MCM8: variants seen among roughly 807,000 people sequenced by gnomAD.
MCM8 encodes the protein DNA helicase MCM8.
Under a neutral mutation model 98.9 loss-of-function variants are expected in MCM8, and 85 were observed. That is an observed-to-expected ratio of 0.86 (90% CI 0.72 to 1.03). The LOEUF is 1.03. MCM8 is among the 50% of genes least tolerant of loss of function. The probability of loss-of-function intolerance (pLI) is 0.00; values close to 1 mark genes in which losing one functional copy is unlikely to be tolerated. For synonymous variants in MCM8, 352 were observed against 338.6 expected (o/e 1.04, Z -0.44); for missense variants, 951 against 997.8 (o/e 0.95, Z 0.63).
chr20:5,961,022 G>A (rs139156713), intron 7 of MCM8, among the ~76,000 whole-genome samples: 8 of 152,192 alleles, frequency 5.3e-5, no homozygotes, highest in Admixed American at 3.3e-4. Context: ...CCTAAGTTTT[G>A]TTTTTTATCT....
intron 17 of MCM8, among the ~76,000 whole-genome samples, chr20:5,993,278 C>A (rs1358300662): frequency 6.6e-6 from 1 of 152,064 alleles, no homozygotes; most frequent in South Asian, 2.1e-4. Flanking sequence ...TTTCTCTCTC[C>A]AAATTTAGAA....
chr20:5,959,504 A>G (rs1204274921), intron 7 of MCM8, among the ~76,000 whole-genome samples: 1 of 152,252 alleles, frequency 6.6e-6, no homozygotes, highest in East Asian at 1.9e-4. Flanking sequence ...ACCTATTTTA[A>G]TACATATCAA....
In MCM8 at chr20:5,974,456, C is replaced by T. The variant is rs374996865; in HGVS notation, c.1395+1260C>T. On this transcript the variant is annotated intron_variant, in intron 12 of 18. Coordinates refer to ENST00000610722, the MANE Select transcript of MCM8 (RefSeq NM_032485.6). The stretch of plus-strand genomic sequence containing the variant: ...GTGCTTTCTAAAAATGCCTGTGGCC[C>T]CCTTCTTCACTCGATGTGGAAAATT... Among the ~76,000 whole-genome samples, 92 of 152,312 alleles carry T rather than the reference C, an allele frequency of 6.0e-4. No homozygotes were observed. The South Asian group carries it at 0.018, about 31-fold the overall frequency.
At chr20:5,982,491 T>C (rs543063119) in intron 13 of MCM8, among the ~76,000 whole-genome samples, 1 of 152,296 alleles carries the variant, frequency 6.6e-6, no homozygotes, top group East Asian at 1.9e-4. Flanking sequence ...CATTGTATTA[T>C]GTTTAAAGAG....
chr20:5,976,762 G>C (rs531815906), intron 12 of MCM8, among the ~76,000 whole-genome samples: 2 of 152,170 alleles, frequency 1.3e-5, no homozygotes, highest in East Asian at 3.9e-4. Flanking sequence ...GAGGTGAAAG[G>C]GTTTACAAGT....
intron 10 of MCM8, among the ~76,000 whole-genome samples, chr20:5,969,729 G>A (rs142714640): frequency 3.4e-4 from 52 of 152,202 alleles, no homozygotes; most frequent in African/African-American, 1.0e-3. Context: ...GCTCCACAGG[G>A]GTTTTTTGTC....
intron 6 of MCM8, 125 bp downstream of exon 6, chr20:5,957,354 A>C: frequency 1.9e-4 from 112 of 588,726 alleles, no homozygotes; most frequent in East Asian, 4.8e-4. Flanking sequence ...TTGCCATCTC[A>C]TTGATCATCA....
chr20:5,967,497 T>C lies in MCM8; in HGVS notation c.937T>C (p.Cys313Arg), dbSNP rs1197704501. Reference protein sequence around the residue: ...EAGRIPRTIECELVHDLVDSC... With the variant: ...EAGRIPRTIERELVHDLVDSC... ...AGGTCGGATTCCACGAACAATAGAA[T>C]GTGAGCTTGTTCATGATCTTGTGGA... is the stretch of plus-strand genomic sequence containing the variant. Residue 313 changes from cysteine to arginine, a missense_variant, in exon 9 of 19, where the codon TGT (cysteine) becomes CGT (arginine). Physicochemically the swap from Cys to Arg is radical, Grantham distance 180 (BLOSUM62 -3). Transcript: ENST00000610722. The C allele has an allele frequency of 1.2e-6, 2 of 1,613,950 alleles. No homozygotes were observed. The highest frequency in any genetic ancestry group is 8.5e-7 in the Non-Finnish European group (1 of 1,179,824).
rs2089944980 is a variant in MCM8, at chr20:5,995,532, GC to G, written c.*1142del. ...GAATGCCCCCACCCGCACCGGAACA[GC>G]AACAAAAGGATTCTGCATGAGATGC... On this transcript the variant is annotated 3_prime_UTR_variant, in exon 19 of 19. Transcript: ENST00000610722. 6.6e-6 allele frequency: 1 copy of G among 152,202 alleles called. No individual in the cohort carries two copies. The allele number at this position is 152,202 out of a possible 1,614,324, so 9.4% of individuals were successfully genotyped here.
intron 13 of MCM8, 62 bp downstream of exon 13, chr20:5,978,079 A>T (rs1393665154): frequency 6.3e-7 from 1 of 1,584,602 alleles, no homozygotes; most frequent in African/African-American, 1.4e-5. Context: ...TTTCCTTTTC[A>T]GTTAATTTCT....
intron 15 of MCM8, among the ~76,000 whole-genome samples, chr20:5,985,441 CAAAA>C (rs59820663): frequency 1.1e-5 from 1 of 92,726 alleles, no homozygotes; most frequent in Non-Finnish European, 2.5e-5. Flanking sequence ...GAGACTGTCT[CAAAA>C]AAAAAAAAAA....
intron 10 of MCM8, among the ~76,000 whole-genome samples, chr20:5,968,867 G>A (rs893379813): frequency 3.9e-5 from 6 of 152,154 alleles, no homozygotes; most frequent in African/African-American, 7.2e-5. Flanking sequence ...GATTCAAATC[G>A]AATTAACATA....
chr20:5,986,685 TA>T (rs1239815064), intron 16 of MCM8, among the ~76,000 whole-genome samples: 1 of 152,210 alleles, frequency 6.6e-6, no homozygotes, highest in Admixed American at 6.5e-5. Flanking sequence ...TTCCTAAAAG[TA>T]AAAGGCAAGG....
chr20:5,988,137 A>G (rs1371913231), intron 17 of MCM8, among the ~76,000 whole-genome samples: 1 of 152,070 alleles, frequency 6.6e-6, no homozygotes, highest in Admixed American at 6.6e-5. Flanking sequence ...TAATAGGTCC[A>G]TACTTTCATA....
intron 5 of MCM8, 101 bp from the exon 6 acceptor site, chr20:5,957,023 TTC>T: frequency 1.7e-6 from 1 of 577,950 alleles, no homozygotes; most frequent in Non-Finnish European, 2.8e-6. Flanking sequence ...TCTGTTTTTA[TTC>T]TGTTTCTGTC....
At chr20:5,956,902 T>G (rs2088998196) in intron 5 of MCM8, among the ~76,000 whole-genome samples, 1 of 152,094 alleles carries the variant, frequency 6.6e-6, no homozygotes, top group Non-Finnish European at 1.5e-5. Flanking sequence ...AGTAGCAGAC[T>G]GGGATGCTGG....
At chr20:5,985,233 CAA>C (rs2089707067) in intron 15 of MCM8, among the ~76,000 whole-genome samples, 1 of 152,042 alleles carries the variant, frequency 6.6e-6, no homozygotes, top group South Asian at 2.1e-4. Context: ...ATCATGAGGT[CAA>C]GAGATCGAGA....
chr20:5,961,288 T>C (rs2089136401), intron 7 of MCM8, among the ~76,000 whole-genome samples: 1 of 152,246 alleles, frequency 6.6e-6, no homozygotes, highest in South Asian at 2.1e-4. Context: ...TAAGCCCTTG[T>C]TACCATGGAT....
In MCM8 at chr20:5,995,705, C is replaced by T. The variant is rs2089947701; in HGVS notation, c.*1314C>T. 6.6e-6 allele frequency: 1 copy of T among 152,202 alleles called. No homozygotes were observed. Among genetic ancestry groups the T allele is most frequent in the African/African-American group, 2.4e-5 (1 of 41,440 alleles). The allele number at this position is 152,202 out of a possible 1,614,324, so 9.4% of individuals were successfully genotyped here. On this transcript the variant is annotated 3_prime_UTR_variant, in exon 19 of 19. Coordinates refer to ENST00000610722, the MANE Select transcript of MCM8 (RefSeq NM_032485.6). ...TGGGATCAATAAGACCAGAATTTCT[C>T]ATATGTTGTGAGAGGATTCAAATGT...
Sources: gnomAD v4.1 joint callset for allele counts (sites outside exome capture counted in the v4.1 genomes callset) on GRCh38, gnomAD v4.1.1 for gene constraint, MANE v1.5 for transcripts, NCBI Gene and HGNC (gene_info 2026-07-23, HGNC 2026-07-21) for gene names.